The following PPM1E variants were observed in gnomAD, a reference collection of about 807,000 sequenced individuals.
The protein encoded by PPM1E is protein phosphatase 1E.
PPM1E carries 20 observed loss-of-function variants against 65.9 expected under a neutral mutation model. The ratio of observed to expected loss-of-function variants is 0.30; its 90% confidence interval spans 0.21 to 0.44. The LOEUF is 0.44. Ranked by LOEUF, PPM1E falls within the 20% of genes least tolerant of loss-of-function variation. The pLI, the probability that PPM1E is intolerant of heterozygous loss-of-function variation, is 1.00. For synonymous variants in PPM1E, 352 were observed against 374.9 expected (o/e 0.94, Z 0.70); for missense variants, 713 against 953.1 (o/e 0.75, Z 3.32).
intron 2 of PPM1E, among the ~76,000 whole-genome samples, chr17:58,961,593 A>T (rs2030033093): frequency 6.6e-6 from 1 of 152,196 alleles, no homozygotes; most frequent in Admixed American, 6.5e-5. Context: ...GTATGAACAG[A>T]TCTAGTGATT....
At chr17:58,922,765 A>C (rs1001668019) in intron 1 of PPM1E, among the ~76,000 whole-genome samples, 8 of 149,486 alleles carry the variant, frequency 5.4e-5, no homozygotes, top group Non-Finnish European at 8.9e-5. Context: ...GCTCACTGCA[A>C]CCTCTGCCTC....
chr17:58,979,358 T>C (rs1013229976), intron 6 of PPM1E, among the ~76,000 whole-genome samples: 1 of 152,196 alleles, frequency 6.6e-6, no homozygotes, highest in African/African-American at 2.4e-5. Context: ...TCAGCTCCCA[T>C]GTGTGAGGCC....
intron 1 of PPM1E, among the ~76,000 whole-genome samples, chr17:58,800,258 G>A (rs865811717): frequency 3.3e-5 from 5 of 151,620 alleles, no homozygotes; most frequent in Non-Finnish European, 4.4e-5. Context: ...TTGCATTTCT[G>A]GAATAAATCT....
intron 1 of PPM1E, among the ~76,000 whole-genome samples, chr17:58,767,893 C>G (rs895749659): frequency 6.6e-6 from 1 of 151,956 alleles, no homozygotes; most frequent in Non-Finnish European, 1.5e-5. Context: ...CCGCCCACCT[C>G]GGCCTCCCAA....
intron 1 of PPM1E, among the ~76,000 whole-genome samples, chr17:58,858,152 C>A (rs4793595): frequency 0.019 from 2,951 of 152,138 alleles, 88 homozygotes; most frequent in Admixed American, 0.079. Context: ...TTTGCAGAAT[C>A]CTAATTTTTT....
At chr17:58,774,931 C>A (rs1038151319) in intron 1 of PPM1E, among the ~76,000 whole-genome samples, 5 of 151,836 alleles carry the variant, frequency 3.3e-5, no homozygotes, top group Non-Finnish European at 5.9e-5. Flanking sequence ...CGGCTCACTG[C>A]AACCTCTGCC....
intron 1 of PPM1E, among the ~76,000 whole-genome samples, chr17:58,949,774 A>G (rs55759249): frequency 0.24 from 37,055 of 152,078 alleles, 5,442 homozygotes; most frequent in East Asian, 0.4. Flanking sequence ...ACGCCCTTGA[A>G]CATTTCTCTT....
At chr17:58,807,183 G>A (rs1032249365) in intron 1 of PPM1E, among the ~76,000 whole-genome samples, 1 of 152,012 alleles carries the variant, frequency 6.6e-6, no homozygotes, top group Non-Finnish European at 1.5e-5. Context: ...CTTTACTTTT[G>A]TGCATATTTG....
In PPM1E at chr17:58,950,662, T is replaced by C. The variant is rs565625653; in HGVS notation, c.465-4987T>C. ...TCTGCCTGAGTTTTTTCAAAAGACCTGTCTTCAAGTTCAAAAATTTTTTCT... is the reference window on the plus strand; with the variant it reads ...TCTGCCTGAGTTTTTTCAAAAGACCCGTCTTCAAGTTCAAAAATTTTTTCT... On this transcript the variant is annotated intron_variant, in intron 1 of 6. Coordinates refer to ENST00000308249, the MANE Select transcript of PPM1E (RefSeq NM_014906.5). Among the ~76,000 whole-genome samples the C allele has an allele frequency of 8.5e-5, 13 of 152,128 alleles. No homozygotes were observed. In the South Asian group the frequency reaches 1.7e-3, roughly 19 times the overall value.
intron 1 of PPM1E, among the ~76,000 whole-genome samples, chr17:58,787,774 G>A (rs2050115170): frequency 6.6e-6 from 1 of 151,902 alleles, no homozygotes; most frequent in Admixed American, 6.6e-5. Context: ...AGGCGTGGTG[G>A]CAGGCGCCTG....
chr17:58,803,901 T>C (rs148061362), intron 1 of PPM1E, among the ~76,000 whole-genome samples: 65 of 152,328 alleles, frequency 4.3e-4, no homozygotes, highest in African/African-American at 1.5e-3. Context: ...TTTTAAAATA[T>C]GTAATCCAAA....
intron 1 of PPM1E, among the ~76,000 whole-genome samples, chr17:58,858,981 G>A (rs1476233725): frequency 1.3e-5 from 2 of 152,164 alleles, no homozygotes; most frequent in East Asian, 3.8e-4. Context: ...CTTAAATAAT[G>A]CGATTCAGAA....
At chr17:58,785,487 T>TATATATATATATATATATAGATATAG (rs1555609827) in intron 1 of PPM1E, 1 of 132,210 alleles carries the variant, frequency 7.6e-6, no homozygotes, top group African/African-American at 2.8e-5. Flanking sequence ...TATATATATA[T>TATATATATATATATATATAGATATAG]ATAGTAGAAC....
chr17:58,805,735 A>G (rs947392639), intron 1 of PPM1E, among the ~76,000 whole-genome samples: 1 of 152,080 alleles, frequency 6.6e-6, no homozygotes, highest in Admixed American at 6.6e-5. Flanking sequence ...CATTATAGGA[A>G]TTAGAAAACA....
intron 1 of PPM1E, among the ~76,000 whole-genome samples, chr17:58,909,835 C>T (rs1213619128): frequency 4.7e-5 from 7 of 150,142 alleles, no homozygotes; most frequent in Non-Finnish European, 1.0e-4. Flanking sequence ...TCTGAGATTT[C>T]TGGGTCTGTG....
intron 1 of PPM1E, among the ~76,000 whole-genome samples, chr17:58,878,011 G>A (rs1248726057): frequency 6.6e-6 from 1 of 151,346 alleles, no homozygotes; most frequent in Non-Finnish European, 1.5e-5. Flanking sequence ...TGTTTAAAAA[G>A]AAAAAAGTGA....
intron 1 of PPM1E, among the ~76,000 whole-genome samples, chr17:58,805,980 A>AAAAAAAAAAAAAAAAAAAAAAAAAAAC (rs2050307581): frequency 9.3e-6 from 1 of 107,930 alleles, no homozygotes; most frequent in African/African-American, 4.2e-5. Context: ...AAAACAAAAA[A>AAAAAAAAAAAAAAAAAAAAAAAAAAAC]AAAACAAAAC....
At chr17:58,932,533 A>G (rs935881143) in intron 1 of PPM1E, among the ~76,000 whole-genome samples, 11 of 152,198 alleles carry the variant, frequency 7.2e-5, no homozygotes, top group Non-Finnish European at 1.3e-4. Context: ...ATTTATTAAC[A>G]TAAATTATAA....
intron 1 of PPM1E, among the ~76,000 whole-genome samples, chr17:58,809,788 G>A (rs753878481): frequency 6.6e-6 from 1 of 152,150 alleles, no homozygotes; most frequent in Non-Finnish European, 1.5e-5. Flanking sequence ...GTGATATCAT[G>A]TAATATGCTT....
Sources: gnomAD v4.1 joint callset for allele counts (sites outside exome capture counted in the v4.1 genomes callset) on GRCh38, gnomAD v4.1.1 for gene constraint, MANE v1.5 for transcripts, NCBI Gene and HGNC (gene_info 2026-07-23, HGNC 2026-07-21) for gene names.